The following ABCC8 variants were observed in gnomAD, a reference collection of about 807,000 sequenced individuals.
ABCC8 encodes the protein ATP binding cassette subfamily C member 8.
In ABCC8, 137 loss-of-function variants were observed where a neutral mutation model predicts 188.0. That is an observed-to-expected ratio of 0.73 (90% CI 0.63 to 0.84). ABCC8 has a LOEUF of 0.84. Among genes scored for constraint, ABCC8 ranks in the 40% least tolerant of loss-of-function variants. The probability of loss-of-function intolerance (pLI) is 0.00; values close to 1 mark genes in which losing one functional copy is unlikely to be tolerated. For synonymous variants in ABCC8, 797 were observed against 846.5 expected (o/e 0.94, Z 1.01); for missense variants, 1,750 against 2,072.7 (o/e 0.84, Z 3.02).
At chr11:17,428,097 T>G in intron 14 of ABCC8, 155 bp from the exon 15 acceptor site, 1 of 1,580,304 alleles carries the variant, frequency 6.3e-7, no homozygotes, top group Non-Finnish European at 8.6e-7. Flanking sequence ...ACTGGCCTTC[T>G]CATGCTGACC....
intron 19 of ABCC8, 114 bp downstream of exon 19, chr11:17,414,398 T>G: frequency 6.9e-7 from 1 of 1,444,818 alleles, no homozygotes; most frequent in Non-Finnish European, 9.7e-7. Context: ...GGTAAGCACC[T>G]GGGGAGTGAG....
At chr11:17,393,309 T>G (rs1315931142) in intron 38 of ABCC8, 181 bp from the exon 39 acceptor site, 19 of 821,948 alleles carry the variant, frequency 2.3e-5, no homozygotes, top group Non-Finnish European at 3.4e-5. Flanking sequence ...CTCCATCTGC[T>G]AATACCACCC....
chr11:17,422,285 T>C (rs1955382576), intron 16 of ABCC8, among the ~76,000 whole-genome samples: 1 of 152,178 alleles, frequency 6.6e-6, no homozygotes, highest in African/African-American at 2.4e-5. Context: ...TCCTAGCCAC[T>C]ATAAGGAGCT....
Position 17,427,198 on chromosome 11 carries a change from T to C in ABCC8, c.2117-44A>G. The C allele has an allele frequency of 6.4e-7, 1 of 1,564,364 alleles. No homozygotes were observed. Among genetic ancestry groups the C allele is most frequent in the Non-Finnish European group, 8.7e-7 (1 of 1,154,310 alleles). Reference sequence around the variant, plus strand: ...GCAGATGTGAGTGGGGCCGGGGGAGTCTGAACAACCATTACCCAGAAAGAC... The same window carrying C: ...GCAGATGTGAGTGGGGCCGGGGGAGCCTGAACAACCATTACCCAGAAAGAC... On this transcript the variant is annotated intron_variant, in intron 15 of 38. Transcript: ENST00000389817. The surrounding 1 kb of genome is among the most constrained non-coding windows in gnomAD (Gnocchi z 5.0).
At chr11:17,418,119 C>T (rs1414523964) in intron 16 of ABCC8, among the ~76,000 whole-genome samples, 2 of 152,162 alleles carry the variant, frequency 1.3e-5, no homozygotes, top group African/African-American at 2.4e-5. Context: ...TGATCGCCCT[C>T]ACTTTACAGA....
At chr11:17,410,797 C>G in intron 21 of ABCC8, 144 bp from the exon 22 acceptor site, 1 of 1,349,620 alleles carries the variant, frequency 7.4e-7, no homozygotes, top group Non-Finnish European at 1.0e-6. Context: ...GGACAACTCA[C>G]CCAACCTCTC....
chr11:17,411,881 C>T lies in ABCC8; in HGVS notation c.2556+785G>A, dbSNP rs546630726. Among the ~76,000 whole-genome samples, 8 of 149,016 alleles carry T rather than the reference C, an allele frequency of 5.4e-5. No individual in the cohort carries two copies. In the South Asian group the frequency reaches 1.0e-3, roughly 20 times the overall value. The stretch of plus-strand genomic sequence containing the variant: ...TTGACATGAAGTAGTGTAAGGATTG[C>T]GAATACGTTCTTTTTTTTTTTTTTT... On this transcript the variant is annotated intron_variant, in intron 21 of 38. Transcript: ENST00000389817.
At chr11:17,436,250 T>C (rs111439363) in intron 10 of ABCC8, 11 of 503,294 alleles carry the variant, frequency 2.2e-5, no homozygotes, top group African/African-American at 1.9e-4. Flanking sequence ...AGATCATCTT[T>C]TGGGGCTCTG....
chr11:17,397,257 C>T lies in ABCC8; in HGVS notation c.3924G>A (p.Leu1308=). The change falls in exon 32 of 39, where the codon CTG becomes CTA. Residue 1308 remains leucine (L), a synonymous_variant. Transcript: ENST00000389817. ...GCCCATGGATGCGCTTCACAGCCCCCAGCTGGAGCTCCATGTCTGCCAGGT... is the reference window on the plus strand; with the variant it reads ...GCCCATGGATGCGCTTCACAGCCCCTAGCTGGAGCTCCATGTCTGCCAGGT... ...VRNLADMELQ[L]GAVKRIHGLL... is the part of the protein sequence containing the mutation. The T allele has an allele frequency of 6.2e-7, 1 of 1,613,618 alleles. No homozygotes were observed. Among genetic ancestry groups the T allele is most frequent in the Non-Finnish European group, 8.5e-7 (1 of 1,180,026 alleles).
intron 16 of ABCC8, among the ~76,000 whole-genome samples, chr11:17,424,804 A>T (rs1955509880): frequency 6.6e-6 from 1 of 152,198 alleles, no homozygotes; most frequent in Non-Finnish European, 1.5e-5. Flanking sequence ...GGTTTGAGGG[A>T]AAGAACATGG....
intron 8 of ABCC8, 88 bp downstream of exon 8, chr11:17,448,428 G>A (rs952535103): frequency 1.9e-5 from 22 of 1,168,072 alleles, no homozygotes; most frequent in African/African-American, 1.1e-4. Flanking sequence ...AGTGGAAGAC[G>A]GTGTGCTCCT....
At chr11:17,408,075 G>A in intron 23 of ABCC8, 1 of 281,752 alleles carries the variant, frequency 3.5e-6, no homozygotes, top group Non-Finnish European at 6.8e-6. Context: ...GGTTTCATGG[G>A]TCAATAAATC....
chr11:17,408,187 C>T (rs555053001), intron 23 of ABCC8: 39 of 537,888 alleles, frequency 7.3e-5, no homozygotes, highest in African/African-American at 5.3e-4. Context: ...CAGGATAAGG[C>T]GAAGGTGCCC....
chr11:17,428,432 C>T (rs747016099), intron 13 of ABCC8, 27 bp from the exon 14 acceptor site: 28 of 1,609,098 alleles, frequency 1.7e-5, no homozygotes, highest in Non-Finnish European at 2.3e-5. Flanking sequence ...GGTGAGGACC[C>T]ACTGGGCTGG....
chr11:17,395,695 C>T lies in ABCC8; in HGVS notation c.4222G>A (p.Asp1408Asn). Residue 1408 changes from aspartate (D) to asparagine (N), a missense_variant, in exon 35 of 39, where the codon GAC (aspartate) becomes AAC (asparagine). Coordinates refer to ENST00000389817, the MANE Select transcript of ABCC8 (RefSeq NM_000352.6). ...GTGTGCAGCGGCAGTTTGGCGATGT[C>T]AATGCCATCAATGATGATGTGCCCT... ...FEGHIIIDGI[D>N]IAKLPLHTLR... 1 of 1,556,380 alleles carries T rather than the reference C, an allele frequency of 6.4e-7. No homozygotes were observed. The highest frequency in any genetic ancestry group is 8.7e-7 in the Non-Finnish European group (1 of 1,149,580).
intron 20 of ABCC8, 157 bp from the exon 21 acceptor site, chr11:17,412,903 T>C: frequency 6.8e-7 from 1 of 1,473,590 alleles, no homozygotes; most frequent in Admixed American, 2.1e-5. Context: ...TGCACGTGTT[T>C]ACTGAATTCA....
chr11:17,394,511 G>A (rs1953804318), intron 36 of ABCC8, 112 bp from the exon 37 acceptor site: 1 of 1,552,372 alleles, frequency 6.4e-7, no homozygotes, highest in Non-Finnish European at 8.8e-7. Context: ...GGGCAAATAG[G>A]TGGGTGTGTG....
At chr11:17,393,801 G>A (rs1953758577) in intron 37 of ABCC8, 42 bp from the exon 38 acceptor site, 2 of 1,613,920 alleles carry the variant, frequency 1.2e-6, no homozygotes, top group Non-Finnish European at 1.7e-6. Context: ...CCTGCCCAGT[G>A]GATGGGGTCT....
intron 4 of ABCC8, 124 bp downstream of exon 4, chr11:17,463,314 C>A: frequency 2.4e-6 from 2 of 827,460 alleles, no homozygotes; most frequent in Non-Finnish European, 3.9e-6. Context: ...TTTACACGGG[C>A]GGGTAAAACA....
Sources: gnomAD v4.1 joint callset for allele counts (sites outside exome capture counted in the v4.1 genomes callset) on GRCh38, gnomAD v4.1.1 for gene constraint, Gnocchi (gnomAD v3.1) non-coding constraint, MANE v1.5 for transcripts, NCBI Gene and HGNC (gene_info 2026-07-23, HGNC 2026-07-21) for gene names.